RAB3C: variants seen among roughly 807,000 people sequenced by gnomAD.
RAB3C encodes RAB3C, member RAS oncogene family.
In RAB3C, 17 loss-of-function variants were observed where a neutral mutation model predicts 26.4. That is an observed-to-expected ratio of 0.64 (90% CI 0.44 to 0.97). The LOEUF (loss-of-function observed/expected upper bound fraction) is 0.97, where lower values mean the gene tolerates loss of function less well. RAB3C is among the 50% of genes least tolerant of loss of function. The pLI is 0.00. For synonymous variants in RAB3C, 91 were observed against 95.9 expected (o/e 0.95, Z 0.30); for missense variants, 242 against 281.9 (o/e 0.86, Z 1.01).
At chr5:58,806,805 T>G (rs1205534077) in intron 3 of RAB3C, among the ~76,000 whole-genome samples, 1 of 151,232 alleles carries the variant, frequency 6.6e-6, no homozygotes, top group Admixed American at 6.6e-5. Context: ...ATTGCTTGAG[T>G]TTTTCAAACA....
intron 2 of RAB3C, among the ~76,000 whole-genome samples, chr5:58,685,895 A>G (rs145223479): frequency 6.6e-6 from 1 of 152,198 alleles, no homozygotes; most frequent in Non-Finnish European, 1.5e-5. Context: ...CGCATAGTTC[A>G]ATATGGCAGT....
intron 4 of RAB3C, among the ~76,000 whole-genome samples, chr5:58,835,135 A>G (rs889494543): frequency 4.6e-5 from 7 of 152,042 alleles, no homozygotes; most frequent in Non-Finnish European, 8.8e-5. Flanking sequence ...GATAAACTCC[A>G]CTTCCTCTTT....
At chr5:58,849,836 T>A (rs1046210801) in intron 4 of RAB3C, among the ~76,000 whole-genome samples, 1 of 152,198 alleles carries the variant, frequency 6.6e-6, no homozygotes, top group African/African-American at 2.4e-5. Context: ...AGAAAATAAG[T>A]ATTTCTAGGT....
At chr5:58,687,507 G>A (rs1226390703) in intron 2 of RAB3C, among the ~76,000 whole-genome samples, 5 of 151,970 alleles carry the variant, frequency 3.3e-5, no homozygotes, top group Non-Finnish European at 5.9e-5. Flanking sequence ...CCCAGTAAAC[G>A]TTTCAGTAAT....
chr5:58,651,183 A>G (rs1747640594), intron 2 of RAB3C, among the ~76,000 whole-genome samples: 1 of 152,222 alleles, frequency 6.6e-6, no homozygotes, highest in Non-Finnish European at 1.5e-5. Flanking sequence ...CACATAAACT[A>G]TGTCACATCA....
intron 2 of RAB3C, among the ~76,000 whole-genome samples, chr5:58,717,539 G>A (rs556544305): frequency 3.9e-5 from 6 of 152,148 alleles, no homozygotes; most frequent in Admixed American, 2.0e-4. Context: ...GGGCTCTCTC[G>A]CTGCATAGTG....
intron 3 of RAB3C, among the ~76,000 whole-genome samples, chr5:58,764,225 T>A (rs1011641017): frequency 6.6e-6 from 1 of 152,160 alleles, no homozygotes; most frequent in Non-Finnish European, 1.5e-5. Flanking sequence ...TGCGTCACCT[T>A]TGTGTAAATT....
chr5:58,634,549 T>C (rs1368949760), intron 2 of RAB3C, among the ~76,000 whole-genome samples: 1 of 152,220 alleles, frequency 6.6e-6, no homozygotes, highest in Non-Finnish European at 1.5e-5. Context: ...ACCTCATAAA[T>C]GGTAAGACTC....
chr5:58,676,387 C>T (rs973836128), intron 2 of RAB3C, among the ~76,000 whole-genome samples: 1 of 151,970 alleles, frequency 6.6e-6, no homozygotes, highest in Non-Finnish European at 1.5e-5. Flanking sequence ...CTTGTAATCC[C>T]AGCTATTTGG....
chr5:58,831,739 A>G (rs1743617048), intron 4 of RAB3C, among the ~76,000 whole-genome samples: 1 of 152,186 alleles, frequency 6.6e-6, no homozygotes. Flanking sequence ...GCCTCAGCAC[A>G]TTGAGGGGAC....
chr5:58,688,769 A>G (rs1253126757), intron 2 of RAB3C, among the ~76,000 whole-genome samples: 3 of 152,206 alleles, frequency 2.0e-5, no homozygotes, highest in African/African-American at 7.2e-5. Context: ...GATATTGCGT[A>G]TCTTAGATTA....
rs1010922629 is a variant in RAB3C at position 58,825,119 on chromosome 5, G to A, written c.453G>A (p.Arg151=). The A allele has an allele frequency of 3.1e-6, 5 of 1,612,972 alleles. No homozygotes were observed. The African/African-American group carries it at 5.3e-5, about 17-fold the overall frequency. Residue 151 remains arginine, a synonymous_variant, in exon 4 of 5, where the codon CGG becomes CGA. Transcript: ENST00000282878. ...ACAAGTGTGACATGGAAGACGAGCG[G>A]GTCATCTCAACTGAGCGAGGTCAAC... ...VGNKCDMEDE[R]VISTERGQHL...
At chr5:58,745,410 AAAAAAAAAAG>A (rs1415889962) in intron 3 of RAB3C, among the ~76,000 whole-genome samples, 2 of 150,834 alleles carry the variant, frequency 1.3e-5, no homozygotes, top group African/African-American at 4.9e-5. Context: ...AAAAAAAAAA[AAAAAAAAAAG>A]AAAGTAGATG....
intron 2 of RAB3C, among the ~76,000 whole-genome samples, chr5:58,634,787 C>G (rs1269274936): frequency 2.6e-5 from 4 of 152,072 alleles, no homozygotes; most frequent in Non-Finnish European, 5.9e-5. Flanking sequence ...ACTTTGGGCC[C>G]CACAGAACCT....
chr5:58,853,888 A>G lies in RAB3C; in HGVS notation c.*2537A>G, dbSNP rs1209415824. 6.6e-6 allele frequency: 1 copy of G among 152,164 alleles called. No individual in the cohort carries two copies. 9.4% of individuals were successfully genotyped at this position (152,164 alleles called of 1,614,324 possible). Reference sequence around the variant, plus strand: ...AAGAACACTTAAATGCTCCTGCTGTAATTGCATCAAAAAATCCGGGTTTTA... The same window carrying G: ...AAGAACACTTAAATGCTCCTGCTGTGATTGCATCAAAAAATCCGGGTTTTA... On this transcript the variant is annotated 3_prime_UTR_variant, in exon 5 of 5. Transcript: ENST00000282878.
At chr5:58,821,942 A>T (rs1004080290) in intron 3 of RAB3C, among the ~76,000 whole-genome samples, 16 of 152,090 alleles carry the variant, frequency 1.1e-4, no homozygotes, top group Non-Finnish European at 2.4e-4. Context: ...CCTTCACTTG[A>T]CTATTGTTTG....
At chr5:58,625,414 G>A (rs979679349) in intron 2 of RAB3C, among the ~76,000 whole-genome samples, 7 of 152,064 alleles carry the variant, frequency 4.6e-5, no homozygotes, top group Non-Finnish European at 1.0e-4. Flanking sequence ...ATCAATGGAG[G>A]AAAAAGTTTT....
Position 58,852,925 on chromosome 5 carries a change from T to C in RAB3C, c.*1574T>C, listed in dbSNP as rs1744145696. On this transcript the variant is annotated 3_prime_UTR_variant, in exon 5 of 5. Transcript: ENST00000282878. ...GTATTGGATGCAAATGAAACAGGCATACATCTAAAGATATCTTTGGAGAAT... is the reference window on the plus strand; with the variant it reads ...GTATTGGATGCAAATGAAACAGGCACACATCTAAAGATATCTTTGGAGAAT... 1 of 152,218 alleles carries C rather than the reference T, an allele frequency of 6.6e-6. No individual in the cohort carries two copies. Among genetic ancestry groups the C allele is most frequent in the Admixed American group, 6.5e-5 (1 of 15,274 alleles). 9.4% of individuals were successfully genotyped at this position (152,218 alleles called of 1,614,324 possible).
chr5:58,833,603 T>C (rs898021468), intron 4 of RAB3C, among the ~76,000 whole-genome samples: 7 of 152,018 alleles, frequency 4.6e-5, no homozygotes, highest in Admixed American at 1.3e-4. Flanking sequence ...CAGATTAAAA[T>C]CATTGTGGAG....
Sources: gnomAD v4.1 joint callset for allele counts (sites outside exome capture counted in the v4.1 genomes callset) on GRCh38, gnomAD v4.1.1 for gene constraint, MANE v1.5 for transcripts, NCBI Gene and HGNC (gene_info 2026-07-23, HGNC 2026-07-21) for gene names.